The following PCED1B variants were observed in gnomAD, a reference collection of about 807,000 sequenced individuals.
PCED1B encodes PC-esterase domain-containing protein 1B.
For missense variants in PCED1B, 573 were observed against 573.9 expected (o/e 1.00, Z 0.02); for synonymous variants, 251 against 246.1 (o/e 1.02, Z -0.19).
rs568241348 is a variant in PCED1B at position 47,155,192 on chromosome 12, T to C, written c.-526+50997T>C. ...CATAGAAATTGTATTTGGCTCCTTC[T>C]TTTATTTGTTGGCTTATAACCAAAG... is the stretch of plus-strand genomic sequence containing the variant. On this transcript the variant is annotated intron_variant, in intron 2 of 3. Transcript: ENST00000546455. Among the ~76,000 whole-genome samples, 5 of 152,238 alleles carry C rather than the reference T, an allele frequency of 3.3e-5. No individual in the cohort carries two copies. The South Asian group carries it at 1.0e-3, about 31-fold the overall frequency.
At chr12:47,093,508 C>T (rs1213033090) in intron 1 of PCED1B, among the ~76,000 whole-genome samples, 1 of 151,770 alleles carries the variant, frequency 6.6e-6, no homozygotes, top group African/African-American at 2.4e-5. Context: ...TTCCTGCTCT[C>T]TCTCTACTTT....
chr12:47,189,903 T>C (rs1166451950), intron 2 of PCED1B, among the ~76,000 whole-genome samples: 1 of 152,174 alleles, frequency 6.6e-6, no homozygotes, highest in Non-Finnish European at 1.5e-5. Flanking sequence ...CTTCTGCTGC[T>C]CCAGGCTTGG....
chr12:47,153,075 C>T (rs1246992367), intron 2 of PCED1B, among the ~76,000 whole-genome samples: 3 of 152,042 alleles, frequency 2.0e-5, no homozygotes. Flanking sequence ...TCAGGCCGGG[C>T]ACAGTGGCTC....
chr12:47,203,399 C>G (rs1592278802), intron 2 of PCED1B, among the ~76,000 whole-genome samples: 1 of 152,120 alleles, frequency 6.6e-6, no homozygotes, highest in African/African-American at 2.4e-5. Flanking sequence ...CACAGATCAT[C>G]CCATCACCCA....
chr12:47,121,524 C>T (rs1265845276), intron 2 of PCED1B, among the ~76,000 whole-genome samples: 12 of 152,056 alleles, frequency 7.9e-5, no homozygotes, highest in Admixed American at 3.3e-4. Flanking sequence ...TTCTCCAATA[C>T]GTAGAAATAA....
chr12:47,164,320 A>G (rs925891353), intron 2 of PCED1B, among the ~76,000 whole-genome samples: 1 of 152,242 alleles, frequency 6.6e-6, no homozygotes, highest in Non-Finnish European at 1.5e-5. Context: ...ATGGTGAGAC[A>G]GACATTGGGT....
chr12:47,129,189 A>C (rs1940015908), intron 2 of PCED1B, among the ~76,000 whole-genome samples: 1 of 152,124 alleles, frequency 6.6e-6, no homozygotes, highest in Non-Finnish European at 1.5e-5. Flanking sequence ...AAATTCCCTT[A>C]AGGGAGGGCA....
intron 2 of PCED1B, among the ~76,000 whole-genome samples, chr12:47,207,578 A>C (rs940314151): frequency 6.6e-6 from 1 of 152,236 alleles, no homozygotes; most frequent in South Asian, 2.1e-4. Context: ...CATGGGTGAC[A>C]GTGTGTATGA....
At chr12:47,234,981 C>G in intron 3 of PCED1B, 26 bp from the exon 4 acceptor site, 1 of 1,348,820 alleles carries the variant, frequency 7.4e-7, no homozygotes, top group Non-Finnish European at 1.0e-6. Flanking sequence ...TGAGTCCCTC[C>G]CAGCCCTTCT....
intron 1 of PCED1B, among the ~76,000 whole-genome samples, chr12:47,090,589 A>G (rs886711666): frequency 6.6e-6 from 1 of 152,088 alleles, no homozygotes; most frequent in Non-Finnish European, 1.5e-5. Flanking sequence ...GCTCTCCAAA[A>G]ATTCCCTCTG....
At chr12:47,093,225 A>G (rs746756265) in intron 1 of PCED1B, among the ~76,000 whole-genome samples, 5 of 151,924 alleles carry the variant, frequency 3.3e-5, no homozygotes, top group Admixed American at 6.6e-5. Flanking sequence ...TTGTATTTTC[A>G]AAGAGTTTGT....
intron 3 of PCED1B, among the ~76,000 whole-genome samples, chr12:47,225,252 C>T (rs1160906188): frequency 6.6e-6 from 1 of 152,106 alleles, no homozygotes; most frequent in African/African-American, 2.4e-5. Context: ...TTTTCTATTG[C>T]ATTATTTACC....
At chr12:47,085,104 A>G (rs1376484532) in intron 1 of PCED1B, among the ~76,000 whole-genome samples, 1 of 152,242 alleles carries the variant, frequency 6.6e-6, no homozygotes, top group Non-Finnish European at 1.5e-5. Context: ...AGATCACATT[A>G]TTGCACTCCA....
At chr12:47,097,550 G>A (rs1938531461) in intron 1 of PCED1B, among the ~76,000 whole-genome samples, 1 of 152,088 alleles carries the variant, frequency 6.6e-6, no homozygotes, top group South Asian at 2.1e-4. Flanking sequence ...AATTATCATT[G>A]TTTGTGTATC....
intron 1 of PCED1B, among the ~76,000 whole-genome samples, chr12:47,089,491 T>TATATATATATATATATATATAG: frequency 1.2e-5 from 1 of 84,042 alleles, no homozygotes; most frequent in African/African-American, 5.4e-5. Context: ...TATATATATA[T>TATATATATATATATATATATAG]ATGTATATAC....
At chr12:47,184,665 T>TAA (rs1191011925) in intron 2 of PCED1B, among the ~76,000 whole-genome samples, 9 of 131,624 alleles carry the variant, frequency 6.8e-5, no homozygotes, top group African/African-American at 8.2e-5. Flanking sequence ...CCAAAGACAC[T>TAA]AAAAAAAAAA....
At chr12:47,089,191 C>T (rs1472329725) in intron 1 of PCED1B, among the ~76,000 whole-genome samples, 1 of 151,870 alleles carries the variant, frequency 6.6e-6, no homozygotes, top group Non-Finnish European at 1.5e-5. Context: ...GCCTGTAATC[C>T]CAGCACTTTG....
chr12:47,196,689 G>T (rs930795880), intron 2 of PCED1B, among the ~76,000 whole-genome samples: 1 of 152,020 alleles, frequency 6.6e-6, no homozygotes, highest in Non-Finnish European at 1.5e-5. Flanking sequence ...TTATCTGGGC[G>T]TGGTGGCGGG....
chr12:47,159,993 A>G (rs1227866843), intron 2 of PCED1B, among the ~76,000 whole-genome samples: 1 of 152,106 alleles, frequency 6.6e-6, no homozygotes, highest in African/African-American at 2.4e-5. Context: ...ATTGAAGACA[A>G]TGTCCTTTCC....
Sources: allele counts gnomAD v4.1 joint callset (sites outside exome capture counted in the v4.1 genomes callset), GRCh38; gene constraint gnomAD v4.1.1; transcripts MANE v1.5; gene names NCBI Gene and HGNC (gene_info 2026-07-23, HGNC 2026-07-21).